DISC1: variants seen among roughly 807,000 people sequenced by gnomAD.
DISC1 encodes the protein disrupted in schizophrenia 1 protein.
DISC1 carries 57 observed loss-of-function variants against 84.5 expected under a neutral mutation model. The ratio of observed to expected loss-of-function variants is 0.67; its 90% confidence interval spans 0.55 to 0.84. The LOEUF (loss-of-function observed/expected upper bound fraction) is 0.84, where lower values mean the gene tolerates loss of function less well. Among genes scored for constraint, DISC1 ranks in the 40% least tolerant of loss-of-function variants. The pLI is 0.00. For synonymous variants in DISC1, 411 were observed against 415.2 expected (o/e 0.99, Z 0.12); for missense variants, 1,000 against 1,057.8 (o/e 0.95, Z 0.76).
In DISC1 at chr1:231,698,216, T is replaced by C. The variant is rs11585981; in HGVS notation, c.1047+3411T>C. Among the ~76,000 whole-genome samples, 58,833 of 152,098 alleles carry C rather than the reference T, an allele frequency of 0.39. 11,864 individuals carry two copies. Among genetic ancestry groups the C allele is most frequent in the African/African-American group, 0.51 (20,969 of 41,490 alleles). On this transcript the variant is annotated intron_variant, in intron 2 of 12. Transcript: ENST00000439617. The surrounding 1 kb of genome is among the most constrained non-coding windows in gnomAD (Gnocchi z 4.9). ...CACAGGAACCTACCCTGTATTTCTC[T>C]TAGGAGCAATGCTTCATTATTCCCT...
intron 3 of DISC1, among the ~76,000 whole-genome samples, chr1:231,725,173 C>T (rs2070449059): frequency 6.6e-6 from 1 of 152,122 alleles, no homozygotes; most frequent in Admixed American, 6.5e-5. Flanking sequence ...TGGGGATGCT[C>T]AAGTCCCTCT....
intron 6 of DISC1, among the ~76,000 whole-genome samples, chr1:231,794,556 G>T (rs1352967306): frequency 6.6e-6 from 1 of 152,094 alleles, no homozygotes; most frequent in Non-Finnish European, 1.5e-5. Flanking sequence ...CATTCTACAG[G>T]TATTGACTGA....
At chr1:231,862,372 T>G (rs868506878) in intron 9 of DISC1, among the ~76,000 whole-genome samples, 8 of 152,302 alleles carry the variant, frequency 5.3e-5, no homozygotes, top group Admixed American at 2.6e-4. Context: ...TGGTGTCATA[T>G]TTGGACTCCA....
chr1:231,724,274 T>G (rs2070308949), intron 3 of DISC1, among the ~76,000 whole-genome samples: 1 of 152,188 alleles, frequency 6.6e-6, no homozygotes, highest in South Asian at 2.1e-4. Flanking sequence ...GTTCCGGTTT[T>G]TCATGAAACA....
chr1:232,006,234 G>T (rs1291347587), intron 10 of DISC1, among the ~76,000 whole-genome samples: 1 of 152,174 alleles, frequency 6.6e-6, no homozygotes, highest in African/African-American at 2.4e-5. Context: ...AAGAGACTTG[G>T]AACCGGGTAA....
At chr1:231,637,421 C>T (rs2059291615) in intron 1 of DISC1, among the ~76,000 whole-genome samples, 1 of 152,132 alleles carries the variant, frequency 6.6e-6, no homozygotes, top group Non-Finnish European at 1.5e-5. Context: ...ATGGTCAAGT[C>T]GGGGCTTTTA....
chr1:231,834,800 C>G (rs12409853), intron 9 of DISC1, among the ~76,000 whole-genome samples: 52,104 of 151,836 alleles, frequency 0.34, 9,122 homozygotes, highest in East Asian at 0.39. Context: ...TTGCCACTAA[C>G]GGTGAAGGAC....
At chr1:231,772,993 C>A (rs984979556) in intron 6 of DISC1, among the ~76,000 whole-genome samples, 1 of 152,166 alleles carries the variant, frequency 6.6e-6, no homozygotes, top group African/African-American at 2.4e-5. Context: ...ACTTTCAGAA[C>A]CATTCTTCAG....
At chr1:231,947,111 A>C (rs577193153) in intron 9 of DISC1, among the ~76,000 whole-genome samples, 3 of 152,160 alleles carry the variant, frequency 2.0e-5, no homozygotes, top group African/African-American at 7.2e-5. Context: ...ACTATTTTAA[A>C]GTTCATACAG....
At chr1:231,752,486 TCA>T (rs2074712873) in intron 4 of DISC1, among the ~76,000 whole-genome samples, 1 of 152,136 alleles carries the variant, frequency 6.6e-6, no homozygotes, top group Non-Finnish European at 1.5e-5. Flanking sequence ...GCTAAACCAT[TCA>T]TGAAGTATCC....
chr1:231,815,897 G>C (rs1441174852), intron 8 of DISC1, among the ~76,000 whole-genome samples: 2 of 152,164 alleles, frequency 1.3e-5, no homozygotes, highest in African/African-American at 2.4e-5. Context: ...CCAGTATGGG[G>C]CTGGCTCTCA....
chr1:231,873,092 G>A (rs192706004), intron 9 of DISC1, among the ~76,000 whole-genome samples: 1 of 152,334 alleles, frequency 6.6e-6, no homozygotes, highest in East Asian at 1.9e-4. Context: ...AGCCCTGCAA[G>A]GGCCTTCACC....
chr1:231,762,112 CTTTCTTTTCTTT>C (rs1195353960), intron 4 of DISC1, among the ~76,000 whole-genome samples: 11 of 150,746 alleles, frequency 7.3e-5, no homozygotes, highest in African/African-American at 2.2e-4. Context: ...TTCTTCTTTC[CTTTCTTTTCTTT>C]TTTCTTTTCT....
intron 9 of DISC1, among the ~76,000 whole-genome samples, chr1:231,829,596 C>T (rs2082084111): frequency 6.6e-6 from 1 of 152,180 alleles, no homozygotes; most frequent in South Asian, 2.1e-4. Context: ...AAGTGATCCA[C>T]CTGCCGTGGC....
At chr1:231,926,714 A>G (rs1231228630) in intron 9 of DISC1, among the ~76,000 whole-genome samples, 1 of 152,246 alleles carries the variant, frequency 6.6e-6, no homozygotes, top group African/African-American at 2.4e-5. Flanking sequence ...ATAGAAGACA[A>G]GCTCAGGGAA....
chr1:231,727,121 A>G (rs1435210351), intron 3 of DISC1, among the ~76,000 whole-genome samples: 1 of 152,114 alleles, frequency 6.6e-6, no homozygotes, highest in Non-Finnish European at 1.5e-5. Flanking sequence ...AGATGATAAA[A>G]TGGATGAACA....
At chr1:231,753,012 G>A (rs2074775115) in intron 4 of DISC1, among the ~76,000 whole-genome samples, 1 of 152,248 alleles carries the variant, frequency 6.6e-6, no homozygotes, top group Admixed American at 6.5e-5. Flanking sequence ...GCTTTGCAGG[G>A]TTCAGATGCT....
At chr1:231,967,925 T>C (rs1174528540) in intron 10 of DISC1, among the ~76,000 whole-genome samples, 1 of 151,916 alleles carries the variant, frequency 6.6e-6, no homozygotes, top group Non-Finnish European at 1.5e-5. Context: ...AAAACAAAGG[T>C]AGGAAAAACA....
At chr1:231,679,847 C>T (rs1239573190) in intron 1 of DISC1, among the ~76,000 whole-genome samples, 3 of 152,170 alleles carry the variant, frequency 2.0e-5, no homozygotes, top group Admixed American at 1.3e-4. Flanking sequence ...CAGTCCAGCC[C>T]CTGTCTAGTT....
Sources: gnomAD v4.1 joint callset for allele counts (sites outside exome capture counted in the v4.1 genomes callset) on GRCh38, gnomAD v4.1.1 for gene constraint, Gnocchi (gnomAD v3.1) non-coding constraint, MANE v1.5 for transcripts, NCBI Gene and HGNC (gene_info 2026-07-23, HGNC 2026-07-21) for gene names.